The following FSTL4 variants were observed in gnomAD, a reference collection of about 807,000 sequenced individuals.
The protein encoded by FSTL4 is follistatin like 4.
A neutral mutation model predicts 78.2 loss-of-function variants in FSTL4; 28 were observed. The ratio of observed to expected loss-of-function variants is 0.36; its 90% CI spans 0.27 to 0.49. The LOEUF is 0.49. Ranked by LOEUF, FSTL4 falls within the 20% of genes least tolerant of loss-of-function variation. The pLI, the probability that FSTL4 is intolerant of heterozygous loss-of-function variation, is 0.98. For synonymous variants in FSTL4, 422 were observed against 440.5 expected, an observed-to-expected ratio of 0.96 and a Z score of 0.53; for missense variants, 922 against 1,084.9, an observed-to-expected ratio of 0.85 and a Z score of 2.11.
chr5:133,424,612 G>A (rs80231106), intron 3 of FSTL4, among the ~76,000 whole-genome samples: 6,147 of 152,246 alleles, frequency 0.04, 201 homozygotes, highest in African/African-American at 0.085. Flanking sequence ...ACAGGAATAC[G>A]TGATGGTGTC....
intron 6 of FSTL4, among the ~76,000 whole-genome samples, chr5:133,305,216 G>A (rs999150951): frequency 2.6e-5 from 4 of 152,190 alleles, no homozygotes; most frequent in African/African-American, 9.7e-5. Context: ...TTGCAGGCTG[G>A]CATACCTGCA....
At chr5:133,561,090 A>AAATAAT (rs369652665) in intron 3 of FSTL4, among the ~76,000 whole-genome samples, 100 of 131,234 alleles carry the variant, frequency 7.6e-4, no homozygotes, top group South Asian at 1.9e-3. Context: ...CTCGGACTCA[A>AAATAAT]AATAATAATA....
At chr5:133,245,567 C>G (rs1752017389) in intron 7 of FSTL4, among the ~76,000 whole-genome samples, 1 of 152,244 alleles carries the variant, frequency 6.6e-6, no homozygotes, top group Non-Finnish European at 1.5e-5. Flanking sequence ...GGGCTCCTTT[C>G]TCTTGCCCCC....
chr5:133,683,150 G>A, the FSTL4 span, among the ~76,000 whole-genome samples: 1 of 152,108 alleles, frequency 6.6e-6, no homozygotes, highest in Admixed American at 6.5e-5. Context: ...GGTGCAGATC[G>A]GCAAGGTTTG....
chr5:133,490,027 G>C (rs1758224515), intron 3 of FSTL4, among the ~76,000 whole-genome samples: 1 of 152,146 alleles, frequency 6.6e-6, no homozygotes, highest in Non-Finnish European at 1.5e-5. Context: ...TCTCAGTACA[G>C]GACATTCTCC....
At chr5:133,443,495 A>G (rs1757202079) in intron 3 of FSTL4, among the ~76,000 whole-genome samples, 1 of 152,230 alleles carries the variant, frequency 6.6e-6, no homozygotes, top group Non-Finnish European at 1.5e-5. Flanking sequence ...TTAACCCTTC[A>G]GGCCCATCCC....
rs183378854 is a variant in FSTL4 at position 133,234,284 on chromosome 5, C to G, written c.895-747G>C. ...ACCAGGGCAGGAACATCAAAGAGCACTAGGAAGGGCGGATGCCCATGGGTT... is the reference window on the plus strand; with the variant it reads ...ACCAGGGCAGGAACATCAAAGAGCAGTAGGAAGGGCGGATGCCCATGGGTT... On this transcript the variant is annotated intron_variant, in intron 7 of 15. Transcript: ENST00000265342. 1.5e-3 allele frequency among the ~76,000 whole-genome samples: 230 copies of G among 152,278 alleles called. 2 individuals are homozygous for G. The highest frequency in any genetic ancestry group is 5.3e-3 in the African/African-American group (221 of 41,560).
At chr5:133,743,383 G>A in the FSTL4 span, among the ~76,000 whole-genome samples, 1 of 152,238 alleles carries the variant, frequency 6.6e-6, no homozygotes, top group Non-Finnish European at 1.5e-5. Context: ...TAACATAGTG[G>A]TTCTGGTACG....
intron 3 of FSTL4, among the ~76,000 whole-genome samples, chr5:133,487,411 T>G (rs1758159364): frequency 6.6e-6 from 1 of 152,212 alleles, no homozygotes; most frequent in Admixed American, 6.5e-5. Flanking sequence ...TGAGCCACTC[T>G]GAGGTTCAGC....
In FSTL4 at chr5:133,217,260, A is replaced by G; in HGVS notation, c.1577T>C (p.Val526Ala). Residue 526 changes from valine (V) to alanine (A), a missense_variant, in exon 13 of 16, where the codon GTG becomes GCG. By Grantham distance (64) the Val-to-Ala change is moderately conservative (BLOSUM62 0). Transcript: ENST00000265342. ...GACTTTCTGGGCTTGGATGTCGACC[A>G]CAAGGACTCTGCTCAGTGCTGGCTG... ...VAQPALSRVL[V>A]VDIQAQKVLQ... The G allele has an allele frequency of 6.2e-7, 1 of 1,614,150 alleles. No individual in the cohort carries two copies. Among genetic ancestry groups the G allele is most frequent in the Middle Eastern group, 1.6e-4 (1 of 6,062 alleles).
intron 6 of FSTL4, among the ~76,000 whole-genome samples, chr5:133,269,764 G>T (rs1165006710): frequency 6.6e-6 from 1 of 152,224 alleles, no homozygotes; most frequent in Non-Finnish European, 1.5e-5. Flanking sequence ...AGTTCTACCA[G>T]TCCCATCAGT....
At chr5:133,709,631 G>A in the FSTL4 span, among the ~76,000 whole-genome samples, 2 of 150,710 alleles carry the variant, frequency 1.3e-5, no homozygotes, top group Non-Finnish European at 2.9e-5. Context: ...ACAGTGACTT[G>A]TCCTAATCAT....
intron 4 of FSTL4, among the ~76,000 whole-genome samples, chr5:133,342,836 G>T (rs993482246): frequency 6.6e-6 from 1 of 152,168 alleles, no homozygotes; most frequent in Non-Finnish European, 1.5e-5. Context: ...TTGCCTTCAC[G>T]CTGTGTGTGT....
chr5:133,837,753 G>A, the FSTL4 span, among the ~76,000 whole-genome samples: 1 of 152,130 alleles, frequency 6.6e-6, no homozygotes, highest in African/African-American at 2.4e-5. Flanking sequence ...CAAAAGCTAT[G>A]ATCAACATCT....
At chr5:133,408,640 C>T (rs904788395) in intron 3 of FSTL4, among the ~76,000 whole-genome samples, 2 of 152,104 alleles carry the variant, frequency 1.3e-5, no homozygotes, top group African/African-American at 2.4e-5. Context: ...GTGTTGATCC[C>T]GCTGGGTCTC....
rs1207811970 is a variant in FSTL4 at position 133,199,837 on chromosome 5, G to C, written c.1827-40C>G. 1.8e-6 allele frequency: 2 copies of C among 1,098,858 alleles called. No individual in the cohort carries two copies. The highest frequency in any genetic ancestry group is 1.3e-6 in the Non-Finnish European group (1 of 756,458). 68.1% of individuals were successfully genotyped at this position (1,098,858 alleles called of 1,614,324 possible). A position where few individuals can be genotyped will look rare whatever the true frequency, so the allele number is the denominator to read the frequency against. On this transcript the variant is annotated intron_variant, in intron 15 of 15. Coordinates refer to ENST00000265342, the MANE Select transcript of FSTL4 (RefSeq NM_015082.2). The surrounding 1 kb of genome is among the most constrained non-coding windows in gnomAD (Gnocchi z 4.4). Reference sequence around the variant, plus strand: ...ACTGAGGTCAGAAGTTGCCTCCAGGGGTGGGGAATCTGTCATTTGTCTTAA... The same window carrying C: ...ACTGAGGTCAGAAGTTGCCTCCAGGCGTGGGGAATCTGTCATTTGTCTTAA...
intron 3 of FSTL4, among the ~76,000 whole-genome samples, chr5:133,546,838 T>TACCTGAA (rs200442945): frequency 0.01 from 1,573 of 152,286 alleles, 32 homozygotes; most frequent in African/African-American, 0.036. Flanking sequence ...GTATAGCTAG[T>TACCTGAA]GCCACTGCTC....
upstream of FSTL4, among the ~76,000 whole-genome samples, chr5:133,616,185 G>A (rs1188188539): frequency 1.3e-5 from 2 of 152,150 alleles, no homozygotes; most frequent in Non-Finnish European, 2.9e-5. Context: ...ATGAAAGAGG[G>A]AACATATTAA....
chr5:133,402,953 G>A (rs1245190480), intron 3 of FSTL4, among the ~76,000 whole-genome samples: 3 of 152,356 alleles, frequency 2.0e-5, no homozygotes, highest in Non-Finnish European at 4.4e-5. Context: ...GAGGCGGAAG[G>A]CAGGCAGGCG....
Sources: allele counts gnomAD v4.1 joint callset (sites outside exome capture counted in the v4.1 genomes callset), GRCh38; gene constraint gnomAD v4.1.1; non-coding constraint Gnocchi (gnomAD v3.1); transcripts MANE v1.5; gene names NCBI Gene and HGNC (gene_info 2026-07-23, HGNC 2026-07-21).